Variants in ZNF276 observed in about 807,000 individuals in gnomAD.
ZNF276 encodes the protein centromere protein Z.
A neutral mutation model predicts 63.9 loss-of-function variants in ZNF276; 59 were observed. That is an observed-to-expected ratio of 0.92 (90% CI 0.75 to 1.15). The LOEUF (loss-of-function observed/expected upper bound fraction) is 1.15, where lower values mean the gene tolerates loss of function less well. Among genes scored for constraint, ZNF276 ranks in the 50% most tolerant of loss-of-function variants. ZNF276 has a pLI of 0.00. For missense variants in ZNF276, 1,084 were observed against 843.8 expected, an observed-to-expected ratio of 1.28 and a Z score of -3.53; for synonymous variants, 496 against 348.4, an observed-to-expected ratio of 1.42 and a Z score of -4.72.
At chr16:89,722,445 C>T in intron 1 of ZNF276, 86 bp from the exon 2 acceptor site, 3 of 1,444,572 alleles carry the variant, frequency 2.1e-6, no homozygotes, top group Non-Finnish European at 2.8e-6. Context: ...GCGCTGCAGG[C>T]GCTGCCCTCG....
intron 4 of ZNF276, among the ~76,000 whole-genome samples, chr16:89,726,854 C>CG (rs1567569940): frequency 6.7e-6 from 1 of 150,350 alleles, no homozygotes; most frequent in African/African-American, 2.5e-5. Context: ...CCACGTTGGC[C>CG]AGGCTGGTCT....
chr16:89,733,682 G>T lies in ZNF276; in HGVS notation c.1356+125G>T, dbSNP rs1205425884. 5 of 1,156,772 alleles carry T rather than the reference G, an allele frequency of 4.3e-6. No individual in the cohort carries two copies. The African/African-American group carries it at 7.6e-5, about 18-fold the overall frequency. 71.7% of individuals were successfully genotyped at this position (1,156,772 alleles called of 1,614,324 possible). On this transcript the variant is annotated intron_variant, in intron 8 of 10. Coordinates refer to ENST00000443381, the MANE Select transcript of ZNF276 (RefSeq NM_001113525.2). ...GGACACTTTGACCTAGGTTAACCGAGACCTGAAGCAGTCCTAGCCAGTGCC... is the reference window on the plus strand; with the variant it reads ...GGACACTTTGACCTAGGTTAACCGATACCTGAAGCAGTCCTAGCCAGTGCC...
intron 6 of ZNF276, among the ~76,000 whole-genome samples, chr16:89,731,218 G>C (rs988581704): frequency 2.2e-4 from 33 of 152,218 alleles, no homozygotes; most frequent in Admixed American, 6.5e-5. Context: ...GGGAGAGAAG[G>C]CGCAGCCTGT....
Position 89,738,530 on chromosome 16 carries a change from A to C in ZNF276, c.*284A>C. On this transcript the variant is annotated 3_prime_UTR_variant, in exon 11 of 11. Transcript: ENST00000443381. Reference sequence around the variant, plus strand: ...TTTGTAATCCACTTTTTAGTGCAACAAGAGCTCCATGTTATGCTTGTAATA... The same window carrying C: ...TTTGTAATCCACTTTTTAGTGCAACCAGAGCTCCATGTTATGCTTGTAATA... 3 of 1,605,348 alleles carry C rather than the reference A, an allele frequency of 1.9e-6. No homozygotes were observed. The South Asian group carries it at 3.3e-5, about 18-fold the overall frequency.
intron 5 of ZNF276, 126 bp from the exon 6 acceptor site, chr16:89,729,109 G>C (rs534839161): frequency 5.2e-6 from 4 of 772,808 alleles, no homozygotes; most frequent in Non-Finnish European, 8.5e-6. Flanking sequence ...TTAGATTTAA[G>C]ACATTTTCAG....
Position 89,723,611 on chromosome 16 carries a change from C to T in ZNF276, c.908C>T (p.Pro303Leu). ...GTTGGGGCTGAGACCAAGACCCTGC[C>T]CAGCACGGATGTGGCCCAGCCTCCT... The part of the protein sequence containing the change: ...TPVGAETKTL[P>L]STDVAQPPSD... The change falls in exon 4 of 11, where the codon CCC becomes CTC. Residue 303 changes from proline to leucine, a missense_variant. Transcript: ENST00000443381. 6.2e-7 allele frequency: 1 copy of T among 1,612,770 alleles called. No homozygotes were observed. The highest frequency in any genetic ancestry group is 2.2e-5 in the East Asian group (1 of 44,880).
chr16:89,739,096 G>A lies in ZNF276; in HGVS notation c.*850G>A, dbSNP rs759521427. ...GGCAGAAGGAGCCTCCGGCTGGGGG[G>A]AGCTCCCCTGGAGGTGGGACTGGCC... On this transcript the variant is annotated 3_prime_UTR_variant, in exon 11 of 11. Transcript: ENST00000443381. 3.1e-6 allele frequency: 5 copies of A among 1,613,878 alleles called. No individual in the cohort carries two copies. Among genetic ancestry groups the A allele is most frequent in the Non-Finnish European group, 4.2e-6 (5 of 1,179,858 alleles).
intron 4 of ZNF276, among the ~76,000 whole-genome samples, chr16:89,726,454 C>T (rs1597980116): frequency 6.6e-6 from 1 of 152,208 alleles, no homozygotes; most frequent in Middle Eastern, 3.4e-3. Flanking sequence ...ACCCCGGCCT[C>T]CAAAGTGCTG....
At chr16:89,722,080 C>T (rs1158053520) in intron 1 of ZNF276, among the ~76,000 whole-genome samples, 1 of 152,110 alleles carries the variant, frequency 6.6e-6, no homozygotes, top group Non-Finnish European at 1.5e-5. Context: ...AGAAGGGACC[C>T]GGCGTGAGGA....
chr16:89,737,949 A>G, intron 10 of ZNF276, 27 bp from the exon 11 acceptor site: 1 of 1,613,984 alleles, frequency 6.2e-7, no homozygotes, highest in Non-Finnish European at 8.5e-7. Context: ...TGGCCCTCGC[A>G]CCTTCTTATC....
chr16:89,722,454 C>G, intron 1 of ZNF276, 77 bp from the exon 2 acceptor site: 2 of 1,484,278 alleles, frequency 1.3e-6, no homozygotes, highest in Admixed American at 4.3e-5. Context: ...GCGCTGCCCT[C>G]GGACCTGGAG....
At chr16:89,721,869 C>T (rs1324517739) in intron 1 of ZNF276, 24 bp downstream of exon 1, 8 of 1,197,364 alleles carry the variant, frequency 6.7e-6, no homozygotes, top group Non-Finnish European at 8.3e-6. Context: ...CCGGGCGTGG[C>T]GGGTTGGGGT....
At position 89,737,968 on chromosome 16, in the gene ZNF276, T is replaced by TC. The variant is rs2062004417; in HGVS notation, c.1575-3dup. 2.5e-6 allele frequency: 4 copies of TC among 1,613,924 alleles called. No individual in the cohort carries two copies. Among genetic ancestry groups the TC allele is most frequent in the Non-Finnish European group, 2.5e-6 (3 of 1,179,986 alleles). ...CCTCGCACCTTCTTATCTGCCTCTG[T>TC]CCCCCAGGTGTGAGGTCTGTGGGTT... On this transcript the variant is annotated splice_polypyrimidine_tract_variant and splice_region_variant and intron_variant, in intron 10 of 10. Coordinates refer to ENST00000443381, the MANE Select transcript of ZNF276 (RefSeq NM_001113525.2).
chr16:89,740,041 T>C lies in ZNF276; in HGVS notation c.*1795T>C, dbSNP rs2151714735. ...TGCCAGCCAGGATATCTTCCTCTTC[T>C]CTAAACACTCGAGGATTGCTGCACA... On this transcript the variant is annotated 3_prime_UTR_variant, in exon 11 of 11. Transcript: ENST00000443381. The C allele has an allele frequency of 6.2e-7, 1 of 1,614,168 alleles. No homozygotes were observed. Among genetic ancestry groups the C allele is most frequent in the East Asian group, 2.2e-5 (1 of 44,880 alleles).
chr16:89,724,894 A>G (rs1043981530), intron 4 of ZNF276, among the ~76,000 whole-genome samples: 8 of 152,256 alleles, frequency 5.3e-5, no homozygotes, highest in Admixed American at 2.0e-4. Flanking sequence ...ATATCTATGT[A>G]TCTACTTATC....
In ZNF276 at chr16:89,738,030, G is replaced by A; in HGVS notation, c.1629G>A (p.Met543Ile). The change falls in exon 11 of 11, where the codon ATG becomes ATA. Residue 543 changes from methionine (M) to isoleucine (I), a missense_variant. Met to Ile is a conservative substitution (Grantham distance 10, BLOSUM62 1). Coordinates refer to ENST00000443381, the MANE Select transcript of ZNF276 (RefSeq NM_001113525.2). The stretch of plus-strand genomic sequence containing the variant: ...AGCGGGCATCCCTCAAGTACCACAT[G>A]ACCAAACACAAGGCTGAGACTGAGC... ...CRQRASLKYH[M>I]TKHKAETELD... 2 of 1,614,142 alleles carry A rather than the reference G, an allele frequency of 1.2e-6. No homozygotes were observed. The highest frequency in any genetic ancestry group is 1.7e-6 in the Non-Finnish European group (2 of 1,180,054).
chr16:89,725,492 T>G (rs2061441254), intron 4 of ZNF276, among the ~76,000 whole-genome samples: 1 of 147,036 alleles, frequency 6.8e-6, no homozygotes, highest in African/African-American at 2.5e-5. Flanking sequence ...AGAACAATAC[T>G]TTTTAAAACT....
At chr16:89,735,014 C>T (rs914456687) in intron 9 of ZNF276, among the ~76,000 whole-genome samples, 4 of 152,066 alleles carry the variant, frequency 2.6e-5, no homozygotes, top group African/African-American at 9.7e-5. Context: ...CAAAAATTAT[C>T]TGGGTGTGGT....
rs1489796697 is a variant in ZNF276, at chr16:89,739,594, C to G, written c.*1348C>G. The G allele has an allele frequency of 1.3e-6, 2 of 1,545,906 alleles. No individual in the cohort carries two copies. Among genetic ancestry groups the G allele is most frequent in the Admixed American group, 2.0e-5 (1 of 50,998 alleles). ...GTGGCTCAGGCAACTCTGGACATCT[C>G]TGCCTATTATCAGTGCTGGGGACAC... On this transcript the variant is annotated 3_prime_UTR_variant, in exon 11 of 11. Coordinates refer to ENST00000443381, the MANE Select transcript of ZNF276 (RefSeq NM_001113525.2).
Sources: gnomAD v4.1 joint callset for allele counts (sites outside exome capture counted in the v4.1 genomes callset) on GRCh38, gnomAD v4.1.1 for gene constraint, MANE v1.5 for transcripts, NCBI Gene and HGNC (gene_info 2026-07-23, HGNC 2026-07-21) for gene names.